CHKA: variants seen among roughly 807,000 people sequenced by gnomAD.
The protein encoded by CHKA is CHETK-alpha.
A neutral mutation model predicts 60.1 loss-of-function variants in CHKA; 34 were observed. That is an observed-to-expected ratio of 0.57 (90% CI 0.43 to 0.75). The LOEUF is 0.75. Ranked by LOEUF, CHKA falls within the 30% of genes least tolerant of loss-of-function variation. CHKA has a pLI of 0.00. For missense variants in CHKA, 563 were observed against 561.3 expected (o/e 1.00, Z -0.03); for synonymous variants, 217 against 223.1 (o/e 0.97, Z 0.24).
At chr11:68,103,749 T>TA (rs1428479759) in intron 1 of CHKA, among the ~76,000 whole-genome samples, 1 of 151,434 alleles carries the variant, frequency 6.6e-6, no homozygotes, top group Non-Finnish European at 1.5e-5. Context: ...CTGTCTCTAT[T>TA]AAAAAAACAA....
intron 11 of CHKA, among the ~76,000 whole-genome samples, chr11:68,059,187 G>A (rs537159409): frequency 1.3e-4 from 20 of 152,188 alleles, no homozygotes; most frequent in Non-Finnish European, 1.3e-4. Context: ...GAGCCACCGC[G>A]CCTGGCTGGC....
intron 5 of CHKA, 67 bp downstream of exon 5, chr11:68,070,657 C>T (rs942777007): frequency 6.5e-7 from 1 of 1,543,020 alleles, no homozygotes; most frequent in African/African-American, 1.4e-5. Context: ...AACAAATGCT[C>T]ACTTATGGTA....
chr11:68,073,400 T>C (rs1278905603), intron 4 of CHKA, among the ~76,000 whole-genome samples: 1 of 152,160 alleles, frequency 6.6e-6, no homozygotes, highest in Admixed American at 6.5e-5. Context: ...ACACCTGTAA[T>C]CCCAGCACTT....
chr11:68,072,672 C>T (rs1440397003), intron 4 of CHKA, among the ~76,000 whole-genome samples: 1 of 151,726 alleles, frequency 6.6e-6, no homozygotes, highest in African/African-American at 2.4e-5. Context: ...ATGGTTCAAA[C>T]CTAGTATATA....
intron 1 of CHKA, among the ~76,000 whole-genome samples, chr11:68,116,890 T>G (rs1344749534): frequency 6.6e-6 from 1 of 152,090 alleles, no homozygotes; most frequent in Non-Finnish European, 1.5e-5. Flanking sequence ...CCTATACCAC[T>G]CATAGTTGAA....
chr11:68,119,994 C>G (rs543572588), intron 1 of CHKA, among the ~76,000 whole-genome samples: 10 of 152,168 alleles, frequency 6.6e-5, no homozygotes, highest in Non-Finnish European at 1.5e-4. Flanking sequence ...TTTGGGAGGT[C>G]GAAGCGGGTG....
At chr11:68,071,465 T>C (rs564746372) in intron 4 of CHKA, among the ~76,000 whole-genome samples, 5 of 152,346 alleles carry the variant, frequency 3.3e-5, no homozygotes, top group Admixed American at 3.3e-4. Context: ...CATCCTGCAC[T>C]TCCCCTAAAT....
chr11:68,057,419 A>T (rs1190608476), intron 11 of CHKA, among the ~76,000 whole-genome samples: 3 of 152,062 alleles, frequency 2.0e-5, no homozygotes, highest in African/African-American at 7.2e-5. Flanking sequence ...TCCCGAGTTC[A>T]CACCATTCTC....
At chr11:68,088,359 A>G (rs906581710) in intron 2 of CHKA, among the ~76,000 whole-genome samples, 2 of 152,082 alleles carry the variant, frequency 1.3e-5, no homozygotes, top group Admixed American at 6.6e-5. Flanking sequence ...GAGTGGCATG[A>G]ACTTCTTTAC....
chr11:68,086,254 C>T (rs1857173764), intron 2 of CHKA, among the ~76,000 whole-genome samples: 1 of 152,072 alleles, frequency 6.6e-6, no homozygotes, highest in East Asian at 1.9e-4. Flanking sequence ...GCCGAGGTTG[C>T]AGTGAGCCAA....
At chr11:68,104,254 G>A (rs111649320) in intron 1 of CHKA, among the ~76,000 whole-genome samples, 5 of 152,234 alleles carry the variant, frequency 3.3e-5, no homozygotes, top group African/African-American at 1.2e-4. Flanking sequence ...CAGTAACAAT[G>A]TGATCTCACT....
intron 1 of CHKA, among the ~76,000 whole-genome samples, chr11:68,110,636 T>C (rs1284555239): frequency 1.3e-5 from 2 of 152,198 alleles, no homozygotes; most frequent in African/African-American, 2.4e-5. Flanking sequence ...ACTTGATCTG[T>C]AGATTTAATG....
intron 1 of CHKA, among the ~76,000 whole-genome samples, chr11:68,101,083 G>A (rs1293637421): frequency 6.6e-6 from 1 of 151,296 alleles, no homozygotes; most frequent in Non-Finnish European, 1.5e-5. Flanking sequence ...AAGTAGCTGG[G>A]ACTACAGGCG....
intron 5 of CHKA, 90 bp from the exon 6 acceptor site, chr11:68,070,383 C>G (rs1856575649): frequency 2.0e-6 from 2 of 984,464 alleles, no homozygotes. Context: ...GTTAAACATT[C>G]AATCCCAGCG....
intron 3 of CHKA, among the ~76,000 whole-genome samples, chr11:68,075,783 C>CT (rs1297288857): frequency 6.6e-6 from 1 of 151,998 alleles, no homozygotes; most frequent in South Asian, 2.1e-4. Flanking sequence ...ACCGAAGTCT[C>CT]TTTTTAAAAA....
At chr11:68,116,922 G>A (rs552830769) in intron 1 of CHKA, among the ~76,000 whole-genome samples, 159 of 152,168 alleles carry the variant, frequency 1.0e-3, no homozygotes, top group African/African-American at 3.4e-3. Flanking sequence ...AAGGATCTCC[G>A]TTCATCACAC....
At chr11:68,080,077 C>A (rs1176065245) in intron 3 of CHKA, among the ~76,000 whole-genome samples, 4 of 152,182 alleles carry the variant, frequency 2.6e-5, no homozygotes. Flanking sequence ...TTTAGCATCA[C>A]GCAGGTCCTG....
At chr11:68,083,594 T>C (rs898528082) in intron 2 of CHKA, among the ~76,000 whole-genome samples, 3 of 152,200 alleles carry the variant, frequency 2.0e-5, no homozygotes, top group Non-Finnish European at 2.9e-5. Flanking sequence ...CCTTATCTAA[T>C]GGCGCTCGCA....
chr11:68,095,320 G>A (rs1273807429), intron 2 of CHKA, among the ~76,000 whole-genome samples: 4 of 146,578 alleles, frequency 2.7e-5, no homozygotes, highest in African/African-American at 5.1e-5. Context: ...GGAGAATGGC[G>A]TGAACCCAGG....
Sources: allele counts gnomAD v4.1 joint callset (sites outside exome capture counted in the v4.1 genomes callset), GRCh38; gene constraint gnomAD v4.1.1; transcripts MANE v1.5; gene names NCBI Gene and HGNC (gene_info 2026-07-23, HGNC 2026-07-21).